SUPT3H: variants seen among roughly 807,000 people sequenced by gnomAD.
The protein encoded by SUPT3H is SPT3 homolog, SAGA and STAGA complex component.
A neutral mutation model predicts 44.3 loss-of-function variants in SUPT3H; 44 were observed. The observed-to-expected ratio is 0.99, with a 90% CI of 0.78 to 1.28. The LOEUF (loss-of-function observed/expected upper bound fraction) is 1.28, where lower values mean the gene tolerates loss of function less well. SUPT3H is among the 50% of genes most tolerant of loss of function. The pLI is 0.00. For synonymous variants in SUPT3H, 124 were observed against 125.6 expected, an observed-to-expected ratio of 0.99 and a Z score of 0.09; for missense variants, 380 against 387.1, an observed-to-expected ratio of 0.98 and a Z score of 0.15.
At chr6:45,165,952 C>T (rs1482176475) in intron 2 of SUPT3H, among the ~76,000 whole-genome samples, 4 of 151,982 alleles carry the variant, frequency 2.6e-5, no homozygotes, top group African/African-American at 9.7e-5. Context: ...AAACACATAC[C>T]TGATAAAAGA....
downstream of SUPT3H, among the ~76,000 whole-genome samples, chr6:44,823,317 G>C (rs1224148623): frequency 6.6e-6 from 1 of 152,124 alleles, no homozygotes; most frequent in Non-Finnish European, 1.5e-5. Context: ...AGGAAGCAAA[G>C]GGTGCTATGT....
intron 3 of SUPT3H, among the ~76,000 whole-genome samples, chr6:45,033,788 T>C (rs796696069): frequency 1.3e-5 from 2 of 152,022 alleles, no homozygotes; most frequent in African/African-American, 2.4e-5. Flanking sequence ...CTAAAGAAAA[T>C]ATTCCTACCC....
chr6:45,021,522 T>C (rs1267874718), intron 3 of SUPT3H, among the ~76,000 whole-genome samples: 3 of 151,920 alleles, frequency 2.0e-5, no homozygotes, highest in Non-Finnish European at 4.4e-5. Context: ...TGTAACTTCT[T>C]CCAAATTTGA....
chr6:44,928,128 G>A (rs1274154382), intron 10 of SUPT3H, among the ~76,000 whole-genome samples: 1 of 152,154 alleles, frequency 6.6e-6, no homozygotes, highest in Non-Finnish European at 1.5e-5. Context: ...CTTGTAGGTA[G>A]CAGGGCTGGG....
chr6:45,172,529 G>T (rs1810982046), intron 2 of SUPT3H, among the ~76,000 whole-genome samples: 1 of 151,142 alleles, frequency 6.6e-6, no homozygotes, highest in Non-Finnish European at 1.5e-5. Flanking sequence ...TGATTAAATA[G>T]AAACCCAATA....
At chr6:45,362,291 A>G (rs1794397410) in intron 2 of SUPT3H, among the ~76,000 whole-genome samples, 1 of 152,200 alleles carries the variant, frequency 6.6e-6, no homozygotes. Context: ...TTATTTAGAC[A>G]CCAGGGAGCC....
intron 2 of SUPT3H, among the ~76,000 whole-genome samples, chr6:45,164,986 G>C (rs1004611716): frequency 5.3e-5 from 8 of 152,082 alleles, no homozygotes; most frequent in Non-Finnish European, 1.2e-4. Flanking sequence ...AGGAGGGTAA[G>C]GCACATACAC....
intron 2 of SUPT3H, among the ~76,000 whole-genome samples, chr6:45,310,452 C>T (rs1783758840): frequency 6.6e-6 from 1 of 152,160 alleles, no homozygotes; most frequent in Admixed American, 6.5e-5. Context: ...GAAAGCACCA[C>T]CTCCTGGCAG....
chr6:45,158,246 A>AG (rs201537767), intron 2 of SUPT3H, among the ~76,000 whole-genome samples: 1 of 134,348 alleles, frequency 7.4e-6, no homozygotes, highest in Non-Finnish European at 1.6e-5. Context: ...ATAGATAGAT[A>AG]ATGCCTATAT....
intron 3 of SUPT3H, among the ~76,000 whole-genome samples, chr6:45,083,117 C>G (rs1313776990): frequency 6.6e-6 from 1 of 151,366 alleles, no homozygotes; most frequent in Non-Finnish European, 1.5e-5. Context: ...TAAGAAATCA[C>G]AGAATGACAC....
intron 3 of SUPT3H, chr6:45,098,214 G>T: frequency 6.3e-6 from 1 of 159,378 alleles, no homozygotes; most frequent in South Asian, 1.7e-4. Context: ...TGCATTTCAA[G>T]AAGACAGAAG....
chr6:45,354,121 G>A (rs994218238), intron 2 of SUPT3H, among the ~76,000 whole-genome samples: 3 of 152,066 alleles, frequency 2.0e-5, no homozygotes, highest in African/African-American at 7.2e-5. Flanking sequence ...GGAAAAATTA[G>A]GAAGTTAGTA....
Position 45,017,323 on chromosome 6 carries a change from T to C in SUPT3H, c.274-2432A>G, listed in dbSNP as rs963802048. Among the ~76,000 whole-genome samples, 22 of 150,448 alleles carry C rather than the reference T, an allele frequency of 1.5e-4. 1 individual carries two copies. Among genetic ancestry groups the C allele is most frequent in the African/African-American group, 5.1e-4 (21 of 41,132 alleles). On this transcript the variant is annotated intron_variant, in intron 4 of 10. Coordinates refer to ENST00000371459, the MANE Select transcript of SUPT3H (RefSeq NM_003599.4). ...CTGTTCACTCTGATGGTAGTTTCTT[T>C]TGCTGTGCAGAAGCTCTTTAGTTTA...
intron 1 of SUPT3H, among the ~76,000 whole-genome samples, chr6:45,365,511 C>CAATT (rs1193669247): frequency 6.6e-6 from 1 of 151,216 alleles, no homozygotes; most frequent in East Asian, 1.9e-4. Flanking sequence ...AGATGTCAGC[C>CAATT]AATTACTCAC....
At chr6:45,218,564 T>C (rs1487250392) in intron 2 of SUPT3H, among the ~76,000 whole-genome samples, 1 of 152,136 alleles carries the variant, frequency 6.6e-6, no homozygotes, top group African/African-American at 2.4e-5. Flanking sequence ...ACCCCACCTC[T>C]ACTAAAAAAA....
At chr6:45,249,571 A>G (rs1771999573) in intron 2 of SUPT3H, among the ~76,000 whole-genome samples, 1 of 152,230 alleles carries the variant, frequency 6.6e-6, no homozygotes, top group Non-Finnish European at 1.5e-5. Context: ...GCAACAATCA[A>G]GAAGCTGTAT....
chr6:45,154,087 A>AAAAACAAAAAAC (rs70996303), intron 2 of SUPT3H, among the ~76,000 whole-genome samples: 1 of 114,596 alleles, frequency 8.7e-6, no homozygotes, highest in South Asian at 2.8e-4. Context: ...AAAAAAAAAA[A>AAAAACAAAAAAC]AGCGCTTAGT....
chr6:45,248,634 C>A (rs568331044), intron 2 of SUPT3H, among the ~76,000 whole-genome samples: 1 of 152,060 alleles, frequency 6.6e-6, no homozygotes, highest in Non-Finnish European at 1.5e-5. Context: ...AACTCTCATA[C>A]ATTGGTCAGG....
intron 10 of SUPT3H, among the ~76,000 whole-genome samples, chr6:44,919,981 C>T (rs1213001396): frequency 3.3e-5 from 5 of 152,068 alleles, no homozygotes; most frequent in African/African-American, 9.7e-5. Flanking sequence ...CAGGTTCAGG[C>T]GATTCTCCTG....
Sources: allele counts gnomAD v4.1 joint callset (sites outside exome capture counted in the v4.1 genomes callset), GRCh38; gene constraint gnomAD v4.1.1; transcripts MANE v1.5; gene names NCBI Gene and HGNC (gene_info 2026-07-23, HGNC 2026-07-21).